Variants in SHISAL2A observed in about 807,000 individuals in gnomAD.
The protein encoded by SHISAL2A is protein shisa-like-2A.
Under a neutral mutation model 11.5 loss-of-function variants are expected in SHISAL2A, and 18 were observed. That is an observed-to-expected ratio of 1.57 (90% confidence interval 1.08 to 2.33). SHISAL2A has a LOEUF of 2.33. Among genes scored for constraint, SHISAL2A ranks in the 30% most tolerant of loss-of-function variants. SHISAL2A has a pLI of 0.00. For synonymous variants in SHISAL2A, 94 were observed against 99.6 expected, an observed-to-expected ratio of 0.94 and a Z score of 0.34; for missense variants, 261 against 250.9, an observed-to-expected ratio of 1.04 and a Z score of -0.27.
chr1:52,639,859 T>G (rs3102013), intron 1 of SHISAL2A: 93,374 of 151,932 alleles, frequency 0.61, 31,203 homozygotes, highest in African/African-American at 0.87. Context: ...CACCATCATG[T>G]CTCACTGCAG....
downstream of SHISAL2A, chr1:52,657,100 G>A: frequency 6.6e-7 from 1 of 1,521,668 alleles, no homozygotes; most frequent in South Asian, 1.3e-5. Context: ...AAAGGTGGGA[G>A]TGGGAAAGGA....
intron 1 of SHISAL2A, among the ~76,000 whole-genome samples, chr1:52,641,112 G>A (rs1691354865): frequency 6.6e-6 from 1 of 152,182 alleles, no homozygotes; most frequent in African/African-American, 2.4e-5. Flanking sequence ...CTTATACCTT[G>A]CCTTATGTAT....
intron 2 of SHISAL2A, among the ~76,000 whole-genome samples, chr1:52,644,340 G>C (rs547240553): frequency 9.2e-5 from 14 of 152,340 alleles, no homozygotes; most frequent in African/African-American, 3.1e-4. Flanking sequence ...CGGACTGAGT[G>C]AGCCCTCTGC....
At chr1:52,642,207 G>T (rs1198931018) in intron 1 of SHISAL2A, among the ~76,000 whole-genome samples, 1 of 152,146 alleles carries the variant, frequency 6.6e-6, no homozygotes, top group Non-Finnish European at 1.5e-5. Flanking sequence ...GTATGGGGGG[G>T]TCCCCTAAGA....
At chr1:52,651,450 G>A (rs1055098491) in intron 2 of SHISAL2A, among the ~76,000 whole-genome samples, 7 of 152,062 alleles carry the variant, frequency 4.6e-5, no homozygotes, top group Non-Finnish European at 1.0e-4. Flanking sequence ...TTGGCCAGAG[G>A]CTGGTCTTGA....
At chr1:52,650,854 A>G (rs1266773080) in intron 2 of SHISAL2A, among the ~76,000 whole-genome samples, 2 of 151,836 alleles carry the variant, frequency 1.3e-5, no homozygotes, top group Non-Finnish European at 1.5e-5. Context: ...TGTGTTAGCC[A>G]GGCTGGTCTT....
chr1:52,660,308 A>T (rs1437597309), downstream of SHISAL2A, among the ~76,000 whole-genome samples: 1 of 152,086 alleles, frequency 6.6e-6, no homozygotes, highest in East Asian at 1.9e-4. Context: ...GGCCTCATAA[A>T]GCCCCTCCCT....
At chr1:52,666,383 C>T (rs1255133389) in intron 4 of SHISAL2A, among the ~76,000 whole-genome samples, 5 of 152,120 alleles carry the variant, frequency 3.3e-5, no homozygotes, top group South Asian at 2.1e-4. Flanking sequence ...ACCCAGGAGG[C>T]GGAGGTTGCA....
At chr1:52,647,783 T>A (rs904988286) in intron 2 of SHISAL2A, among the ~76,000 whole-genome samples, 1 of 150,606 alleles carries the variant, frequency 6.6e-6, no homozygotes, top group Non-Finnish European at 1.5e-5. Flanking sequence ...AGGTGGAGAC[T>A]GCAGTGAGCC....
intron 4 of SHISAL2A, among the ~76,000 whole-genome samples, chr1:52,664,838 G>A (rs1691979468): frequency 6.6e-6 from 1 of 152,150 alleles, no homozygotes; most frequent in Non-Finnish European, 1.5e-5. Flanking sequence ...GCCCAGTCTG[G>A]AGTGCAGTGG....
Position 52,633,674 on chromosome 1 carries a change from A to G in SHISAL2A, c.181A>G (p.Ser61Gly), listed in dbSNP as rs745410748. ...PYEHSYMWWL[S>G]IGALIGLSVA... Reference sequence around the variant, plus strand: ...CGAGCACAGCTACATGTGGTGGCTCAGGTACCGTCCCTGGCCCTCACCCTA... The same window carrying G: ...CGAGCACAGCTACATGTGGTGGCTCGGGTACCGTCCCTGGCCCTCACCCTA... The change falls in exon 1 of 3, where the codon AGC becomes GGC. Residue 61 changes from serine (S) to glycine (G), a missense_variant and splice_region_variant. Coordinates refer to ENST00000517870, the MANE Select transcript of SHISAL2A (RefSeq NM_001042693.3). This position sits in a 1 kb window ranked among gnomAD's most constrained non-coding sequence, Gnocchi z 6.4. 1.9e-6 allele frequency: 3 copies of G among 1,603,378 alleles called. No individual in the cohort carries two copies. Among genetic ancestry groups the G allele is most frequent in the East Asian group, 2.3e-5 (1 of 43,406 alleles).
downstream of SHISAL2A, among the ~76,000 whole-genome samples, chr1:52,657,777 C>A (rs1389372793): frequency 2.6e-5 from 4 of 152,118 alleles, no homozygotes; most frequent in Admixed American, 6.5e-5. Context: ...ATCAGTTGAG[C>A]CCTGGAGGTC....
At chr1:52,644,383 G>A (rs1416469943) in intron 2 of SHISAL2A, among the ~76,000 whole-genome samples, 1 of 152,208 alleles carries the variant, frequency 6.6e-6, no homozygotes, top group African/African-American at 2.4e-5. Flanking sequence ...GGCACCACAG[G>A]GAATAAGGCC....
intron 4 of SHISAL2A, among the ~76,000 whole-genome samples, chr1:52,663,489 G>A (rs1248670629): frequency 3.3e-5 from 5 of 152,174 alleles, no homozygotes; most frequent in Admixed American, 1.3e-4. Context: ...GGCCGGGCGC[G>A]GTGGCTCACG....
At chr1:52,661,956 C>G (rs1237583224), downstream of SHISAL2A, among the ~76,000 whole-genome samples, 6 of 151,982 alleles carry the variant, frequency 3.9e-5, no homozygotes, top group Non-Finnish European at 8.8e-5. Context: ...TCGCTTGAAC[C>G]CAGGAGGAGG....
At chr1:52,653,918 AAGT>A (rs984813275) in intron 2 of SHISAL2A, among the ~76,000 whole-genome samples, 1 of 152,058 alleles carries the variant, frequency 6.6e-6, no homozygotes, top group Non-Finnish European at 1.5e-5. Flanking sequence ...CCATTTTATG[AAGT>A]AGTAACCGAG....
chr1:52,658,200 T>C (rs1331031538), downstream of SHISAL2A, among the ~76,000 whole-genome samples: 3 of 152,046 alleles, frequency 2.0e-5, no homozygotes, highest in Admixed American at 1.3e-4. Flanking sequence ...CCACCATGCC[T>C]GGCTAATTTT....
chr1:52,652,136 T>C (rs1691663344), intron 2 of SHISAL2A, among the ~76,000 whole-genome samples: 1 of 152,146 alleles, frequency 6.6e-6, no homozygotes, highest in Admixed American at 6.6e-5. Flanking sequence ...AACCAGGTCA[T>C]GTGAGGATTA....
chr1:52,638,824 T>A (rs1691294833), intron 1 of SHISAL2A, among the ~76,000 whole-genome samples: 1 of 152,200 alleles, frequency 6.6e-6, no homozygotes. Context: ...AAGGTATTGA[T>A]TATCCTGCAC....
Sources: allele counts gnomAD v4.1 joint callset (sites outside exome capture counted in the v4.1 genomes callset), GRCh38; gene constraint gnomAD v4.1.1; non-coding constraint Gnocchi (gnomAD v3.1); transcripts MANE v1.5; gene names NCBI Gene and HGNC (gene_info 2026-07-23, HGNC 2026-07-21).